Variants in GAS2 observed in about 807,000 individuals in gnomAD.
The protein encoded by GAS2 is growth arrest-specific protein 2.
In GAS2, 20 loss-of-function variants were observed where a neutral mutation model predicts 37.5. The observed-to-expected ratio is 0.53, with a 90% CI of 0.37 to 0.77. GAS2 has a LOEUF of 0.77. Among genes scored for constraint, GAS2 ranks in the 30% least tolerant of loss-of-function variants. GAS2 has a pLI of 0.00. For missense variants in GAS2, 336 were observed against 373.4 expected (o/e 0.90, Z 0.82); for synonymous variants, 144 against 132.2 (o/e 1.09, Z -0.61).
chr11:22,729,925 T>C (rs745324454), intron 4 of GAS2, among the ~76,000 whole-genome samples: 6 of 151,802 alleles, frequency 4.0e-5, no homozygotes, highest in Non-Finnish European at 5.9e-5. Context: ...GAAGTATTTA[T>C]ACACTTTGAT....
intron 3 of GAS2, 48 bp from the exon 4 acceptor site, chr11:22,726,244 T>G (rs566882292): frequency 6.4e-7 from 1 of 1,557,158 alleles, no homozygotes; most frequent in African/African-American, 1.4e-5. Flanking sequence ...AACATCATTG[T>G]GCTAACTTTG....
intron 3 of GAS2, among the ~76,000 whole-genome samples, chr11:22,689,598 A>C (rs91294): frequency 0.15 from 23,350 of 152,198 alleles, 1,864 homozygotes; most frequent in South Asian, 0.23. Context: ...ACTTCTGTTA[A>C]ACTCAAGATT....
intron 7 of GAS2, among the ~76,000 whole-genome samples, chr11:22,777,735 G>A (rs1467892475): frequency 1.3e-5 from 2 of 152,166 alleles, no homozygotes; most frequent in Non-Finnish European, 2.9e-5. Flanking sequence ...TAGGTTGGGG[G>A]CAATTGTTGG....
At chr11:22,674,399 G>T (rs148249434) in intron 1 of GAS2, among the ~76,000 whole-genome samples, 1 of 151,986 alleles carries the variant, frequency 6.6e-6, no homozygotes, top group Non-Finnish European at 1.5e-5. Flanking sequence ...ATTTTTAAGG[G>T]TAATGATCAT....
intron 6 of GAS2, 140 bp downstream of exon 6, chr11:22,749,401 T>C (rs1213993303): frequency 1.1e-5 from 8 of 710,478 alleles, no homozygotes; most frequent in East Asian, 5.9e-5. Context: ...ATGAAAAACT[T>C]TGTAGTCCTA....
intron 1 of GAS2, among the ~76,000 whole-genome samples, chr11:22,649,790 T>A (rs1291880847): frequency 6.6e-6 from 1 of 151,908 alleles, no homozygotes; most frequent in Non-Finnish European, 1.5e-5. Flanking sequence ...TTATTGCGTC[T>A]ATTTGATTCT....
rs539659846 is a variant in GAS2, at chr11:22,710,112, T to C, written c.268-16180T>C. On this transcript the variant is annotated intron_variant, in intron 3 of 7. Coordinates refer to ENST00000454584, the MANE Select transcript of GAS2 (RefSeq NM_001143830.3). ...CACCAGCATGGCACATGTATACATA[T>C]GTAACTAACATGCACATTGTGCACA... Among the ~76,000 whole-genome samples, 60 of 152,126 alleles carry C rather than the reference T, an allele frequency of 3.9e-4. No homozygotes were observed. The South Asian group carries it at 0.012, about 31-fold the overall frequency.
chr11:22,733,308 T>C lies in GAS2; in HGVS notation c.410-4397T>C, dbSNP rs183446274. Among the ~76,000 whole-genome samples, 8 of 151,856 alleles carry C rather than the reference T, an allele frequency of 5.3e-5. No individual in the cohort carries two copies. The East Asian group carries it at 7.8e-4, about 15-fold the overall frequency. ...GAACCAATTCTCTACTCTGGGAAAGTAGGCAGCCATTAATTTATAATATTT... is the reference window on the plus strand; with the variant it reads ...GAACCAATTCTCTACTCTGGGAAAGCAGGCAGCCATTAATTTATAATATTT... On this transcript the variant is annotated intron_variant, in intron 4 of 7. Transcript: ENST00000454584.
intron 7 of GAS2, among the ~76,000 whole-genome samples, chr11:22,756,807 A>C (rs1203347666): frequency 6.6e-6 from 1 of 152,186 alleles, no homozygotes; most frequent in Admixed American, 6.5e-5. Flanking sequence ...GCAAAAGGAT[A>C]TAACAATGTG....
At chr11:22,665,777 T>G (rs1407636532), upstream of GAS2, among the ~76,000 whole-genome samples, 2 of 152,172 alleles carry the variant, frequency 1.3e-5, no homozygotes, top group Admixed American at 6.5e-5. Context: ...TTTTTTAAAT[T>G]ATATCTAAAA....
chr11:22,667,979 C>T (rs1849049924), intron 1 of GAS2: 1 of 152,116 alleles, frequency 6.6e-6, no homozygotes, highest in South Asian at 2.1e-4. Flanking sequence ...AGATCTTATG[C>T]CAAGGAAATA....
At chr11:22,701,474 T>G (rs56239508) in intron 3 of GAS2, among the ~76,000 whole-genome samples, 17,833 of 152,032 alleles carry the variant, frequency 0.12, 1,451 homozygotes, top group Non-Finnish European at 0.18. Flanking sequence ...TACTCTCTAT[T>G]AGGAAGAAAT....
intron 4 of GAS2, among the ~76,000 whole-genome samples, chr11:22,732,896 T>G (rs1363220381): frequency 6.6e-6 from 1 of 151,650 alleles, no homozygotes; most frequent in African/African-American, 2.4e-5. Flanking sequence ...AAAACATATG[T>G]AGGAATTATA....
chr11:22,758,911 C>A (rs368214289), intron 7 of GAS2, among the ~76,000 whole-genome samples: 7 of 2,812 alleles, frequency 2.5e-3, no homozygotes, highest in East Asian at 0.067. Flanking sequence ...AAAACTCCGT[C>A]TCAAAAAAAA....
chr11:22,671,085 T>C (rs935209632), intron 1 of GAS2, among the ~76,000 whole-genome samples: 4 of 152,098 alleles, frequency 2.6e-5, no homozygotes, highest in African/African-American at 9.6e-5. Context: ...GACAACAAAC[T>C]AGACAGAGTC....
At chr11:22,663,978 T>G (rs1182317194), upstream of GAS2, among the ~76,000 whole-genome samples, 1 of 152,174 alleles carries the variant, frequency 6.6e-6, no homozygotes, top group Non-Finnish European at 1.5e-5. Context: ...AGTAAATGAT[T>G]TAAGTTATTA....
intron 7 of GAS2, among the ~76,000 whole-genome samples, chr11:22,784,820 T>A (rs1295541955): frequency 6.6e-6 from 1 of 152,164 alleles, no homozygotes; most frequent in Non-Finnish European, 1.5e-5. Flanking sequence ...CTGAGACATT[T>A]CTCCTGTCTC....
intron 5 of GAS2, among the ~76,000 whole-genome samples, chr11:22,747,121 T>C (rs1347246245): frequency 1.3e-5 from 2 of 152,196 alleles, no homozygotes; most frequent in Non-Finnish European, 2.9e-5. Context: ...ACATGCTTTA[T>C]TAAAGCCTTA....
At chr11:22,748,972 G>C in intron 5 of GAS2, 148 bp from the exon 6 acceptor site, 1 of 768,178 alleles carries the variant, frequency 1.3e-6, no homozygotes, top group Non-Finnish European at 2.0e-6. Flanking sequence ...GCTAATTCAA[G>C]AGCTTACAAT....
Sources: allele counts gnomAD v4.1 joint callset (sites outside exome capture counted in the v4.1 genomes callset), GRCh38; gene constraint gnomAD v4.1.1; transcripts MANE v1.5; gene names NCBI Gene and HGNC (gene_info 2026-07-23, HGNC 2026-07-21).